The following ABLIM1 variants were observed in gnomAD, a reference collection of about 807,000 sequenced individuals.
ABLIM1 encodes actin binding LIM protein 1, also known as actin-binding LIM protein 1.
ABLIM1 carries 40 observed loss-of-function variants against 107.0 expected under a neutral mutation model. That is an observed-to-expected ratio of 0.37 (90% CI 0.29 to 0.49). The LOEUF (loss-of-function observed/expected upper bound fraction) is 0.49. ABLIM1 is among the 20% of genes least tolerant of loss of function. The probability of loss-of-function intolerance (pLI) is 0.97; values close to 1 mark genes in which losing one functional copy is unlikely to be tolerated. For missense variants in ABLIM1, 857 were observed against 1,008.5 expected, an observed-to-expected ratio of 0.85 and a Z score of 2.04; for synonymous variants, 357 against 357.3, an observed-to-expected ratio of 1.00 and a Z score of 0.01.
rs1168753232 is a variant in ABLIM1 at position 114,512,899 on chromosome 10, GGAAGGAAGGAAA to G, written c.895-21033_895-21022del. On this transcript the variant is annotated intron_variant, in intron 6 of 22. Transcript: ENST00000533213. ...AGGAAGGAAGGAAGGAAGGAAGGAA[GGAAGGAAGGAAA>G]GAAAGAGAGAAAGAAAGAGAGAAAG... is the stretch of plus-strand genomic sequence containing the variant. Among the ~76,000 whole-genome samples the G allele has an allele frequency of 6.8e-3, 994 of 145,636 alleles. 19 individuals are homozygous for G. Among genetic ancestry groups the G allele is most frequent in the African/African-American group, 0.024 (938 of 38,484 alleles).
chr10:114,559,006 T>C (rs2138193896), intron 4 of ABLIM1, among the ~76,000 whole-genome samples: 1 of 151,764 alleles, frequency 6.6e-6, no homozygotes, highest in South Asian at 2.1e-4. Flanking sequence ...ATCACCCTAA[T>C]AAATATATTC....
At chr10:114,785,766 T>G in the ABLIM1 span, among the ~76,000 whole-genome samples, 1 of 152,252 alleles carries the variant, frequency 6.6e-6, no homozygotes, top group African/African-American at 2.4e-5. Context: ...TCTCGCTCTG[T>G]TGCCCAGGCT....
intron 1 of ABLIM1, among the ~76,000 whole-genome samples, chr10:114,671,946 T>C (rs1460841405): frequency 1.3e-5 from 2 of 152,166 alleles, no homozygotes; most frequent in Non-Finnish European, 2.9e-5. Flanking sequence ...CAATGCAGCC[T>C]CCAACTCCTG....
intron 4 of ABLIM1, among the ~76,000 whole-genome samples, chr10:114,563,827 CAA>C (rs2070192604): frequency 9.5e-6 from 1 of 104,954 alleles, no homozygotes; most frequent in African/African-American, 3.8e-5. Flanking sequence ...GCCTGGGTGA[CAA>C]AGAGAGGCTC....
intron 1 of ABLIM1, among the ~76,000 whole-genome samples, chr10:114,741,216 C>CT (rs751287379): frequency 0.016 from 937 of 59,884 alleles, 213 homozygotes; most frequent in African/African-American, 0.041. Flanking sequence ...GACTATTCTT[C>CT]TTTTTTTTTT....
At chr10:114,693,086 G>A (rs2081117584) in intron 1 of ABLIM1, among the ~76,000 whole-genome samples, 7 of 152,210 alleles carry the variant, frequency 4.6e-5, no homozygotes, top group Admixed American at 2.0e-4. Flanking sequence ...CAGGCACAGT[G>A]TGGAGGCTAA....
chr10:114,485,443 A>G lies in ABLIM1; in HGVS notation c.1041+2515T>C, dbSNP rs2058054080. ...GAAATAGCCTCAAATCAGAAGAATT[A>G]TTTTAAAAAATAAAACAAAACAACA... On this transcript the variant is annotated intron_variant, in intron 8 of 22. Transcript: ENST00000533213. The G allele has an allele frequency of 2.8e-6, 4 of 1,407,118 alleles. No individual in the cohort carries two copies. In the Admixed American group the frequency reaches 9.1e-5, roughly 32 times the overall value. The allele number at this position is 1,407,118 out of a possible 1,614,324, so 87.2% of individuals were successfully genotyped here. A position where few individuals can be genotyped will look rare whatever the true frequency, so the allele number is the denominator to read the frequency against.
At chr10:114,649,448 T>C (rs1326974072) in intron 1 of ABLIM1, among the ~76,000 whole-genome samples, 1 of 120,254 alleles carries the variant, frequency 8.3e-6, no homozygotes, top group Non-Finnish European at 1.9e-5. Context: ...AATAAATAAA[T>C]AAATAAAGGT....
intron 6 of ABLIM1, among the ~76,000 whole-genome samples, chr10:114,512,229 C>T (rs954920895): frequency 6.6e-6 from 1 of 152,146 alleles, no homozygotes; most frequent in Admixed American, 6.5e-5. Flanking sequence ...CTGAAATTAG[C>T]GAACTGGGGA....
chr10:114,685,670 G>A (rs1217442248), upstream of ABLIM1, among the ~76,000 whole-genome samples: 4 of 152,160 alleles, frequency 2.6e-5, no homozygotes, highest in African/African-American at 7.2e-5. Flanking sequence ...TGGATTGCTC[G>A]TTGATAAAAT....
chr10:114,651,453 T>C (rs1226408068), intron 1 of ABLIM1, among the ~76,000 whole-genome samples: 1 of 151,964 alleles, frequency 6.6e-6, no homozygotes, highest in African/African-American at 2.4e-5. Context: ...TCAGAGAAAC[T>C]GGGGAGACTG....
intron 4 of ABLIM1, among the ~76,000 whole-genome samples, chr10:114,554,292 T>C (rs1230446975): frequency 3.9e-5 from 6 of 152,130 alleles, no homozygotes; most frequent in African/African-American, 1.4e-4. Context: ...CCAATTTGGG[T>C]TGGGCCTGAC....
At position 114,654,124 on chromosome 10, in the gene ABLIM1, T is replaced by C. The variant is rs893699474; in HGVS notation, c.244+3833A>G. On this transcript the variant is annotated intron_variant, in intron 1 of 22. Coordinates refer to ENST00000533213, the MANE Select transcript of ABLIM1 (RefSeq NM_002313.7). ...GGGCTTCGTAGCACAGGAACATGCA[T>C]GGCTGCAGGAGGGCGCACTTCCTCC... Among the ~76,000 whole-genome samples the C allele has an allele frequency of 5.9e-5, 9 of 152,348 alleles. 1 individual carries two copies. The highest frequency in any genetic ancestry group is 2.2e-4 in the African/African-American group (9 of 41,588).
At chr10:114,438,384 C>T (rs1038603403) in intron 21 of ABLIM1, among the ~76,000 whole-genome samples, 13 of 152,118 alleles carry the variant, frequency 8.5e-5, no homozygotes, top group East Asian at 3.9e-4. Flanking sequence ...CTTACCCTCC[C>T]GAGTAGCTGG....
At chr10:114,516,051 G>T (rs751262729) in intron 6 of ABLIM1, among the ~76,000 whole-genome samples, 1 of 152,046 alleles carries the variant, frequency 6.6e-6, no homozygotes, top group Non-Finnish European at 1.5e-5. Context: ...TGTCCCTTGC[G>T]ACCAAAGCCA....
chr10:114,616,869 T>C (rs1365669898), intron 1 of ABLIM1, among the ~76,000 whole-genome samples: 1 of 152,218 alleles, frequency 6.6e-6, no homozygotes, highest in African/African-American at 2.4e-5. Flanking sequence ...ATTGATTCAA[T>C]TTTCAAAATT....
intron 1 of ABLIM1, among the ~76,000 whole-genome samples, chr10:114,605,130 C>A (rs1433903886): frequency 1.3e-5 from 2 of 152,322 alleles, no homozygotes; most frequent in East Asian, 3.9e-4. Flanking sequence ...AAGAAATGGG[C>A]TGTTCTTACT....
intron 1 of ABLIM1, among the ~76,000 whole-genome samples, chr10:114,761,897 G>A (rs1401752268): frequency 6.6e-6 from 1 of 151,964 alleles, no homozygotes; most frequent in East Asian, 1.9e-4. Context: ...CTTTCTTTAA[G>A]AAGCCTCACC....
intron 1 of ABLIM1, among the ~76,000 whole-genome samples, chr10:114,716,220 G>A (rs1480402946): frequency 1.3e-5 from 2 of 152,150 alleles, no homozygotes; most frequent in Non-Finnish European, 2.9e-5. Context: ...CCAATAAGAA[G>A]TGGAGAAAAT....
Sources: gnomAD v4.1 joint callset for allele counts (sites outside exome capture counted in the v4.1 genomes callset) on GRCh38, gnomAD v4.1.1 for gene constraint, MANE v1.5 for transcripts, NCBI Gene and HGNC (gene_info 2026-07-23, HGNC 2026-07-21) for gene names.